Variants in MAPT observed in about 807,000 individuals in gnomAD.
MAPT encodes microtubule associated protein tau.
A neutral mutation model predicts 67.9 loss-of-function variants in MAPT; 34 were observed. The ratio of observed to expected loss-of-function variants is 0.50; its 90% confidence interval spans 0.38 to 0.67. MAPT has a LOEUF of 0.67. MAPT is among the 30% of genes least tolerant of loss of function. The pLI is 0.00. For missense variants in MAPT, 881 were observed against 1,115.2 expected (o/e 0.79, Z 2.99); for synonymous variants, 456 against 464.5 (o/e 0.98, Z 0.23).
In MAPT at chr17:45,931,405, T is replaced by G. The variant is rs370789797; in HGVS notation, c.-17-30916T>G. 1.1e-4 allele frequency among the ~76,000 whole-genome samples: 17 copies of G among 152,266 alleles called. No individual in the cohort carries two copies. In the East Asian group the frequency reaches 2.1e-3, roughly 19 times the overall value. ...ATTTTTTTCAAATAAAAAGTAAATATTATACTACAAAAAAGGGAAAAAGCA... is the reference window on the plus strand; with the variant it reads ...ATTTTTTTCAAATAAAAAGTAAATAGTATACTACAAAAAAGGGAAAAAGCA... On this transcript the variant is annotated intron_variant, in intron 1 of 12. Coordinates refer to ENST00000262410, the MANE Select transcript of MAPT (RefSeq NM_001377265.1).
chr17:45,983,510 A>G lies in MAPT; in HGVS notation c.931A>G (p.Lys311Glu), dbSNP rs764221455. ...ESSPQDSPPS[K>E]ASPAQDGRPP... ...CTCCCCCCAAGACTCCCCTCCCTCC[A>G]AGGCCTCCCCAGCCCAAGATGGGCG... The change falls in exon 5 of 13, where the codon AAG becomes GAG. Residue 311 changes from lysine (K) to glutamate (E), a missense_variant. By Grantham distance (56) the Lys-to-Glu change is moderately conservative. Transcript: ENST00000262410. 1.8e-5 allele frequency: 29 copies of G among 1,612,370 alleles called. No homozygotes were observed. The highest frequency in any genetic ancestry group is 2.4e-5 in the Non-Finnish European group (28 of 1,179,764).
At chr17:45,965,630 C>T (rs943721650) in intron 2 of MAPT, among the ~76,000 whole-genome samples, 2 of 151,702 alleles carry the variant, frequency 1.3e-5, no homozygotes, top group Admixed American at 6.6e-5. Context: ...TGGCCAGGCT[C>T]GTCTGGGACT....
At chr17:45,943,696 C>A (rs2068200011) in intron 1 of MAPT, among the ~76,000 whole-genome samples, 1 of 152,138 alleles carries the variant, frequency 6.6e-6, no homozygotes, top group African/African-American at 2.4e-5. Flanking sequence ...GGTGCATTAC[C>A]CGAAAGCTGA....
intron 9 of MAPT, among the ~76,000 whole-genome samples, chr17:45,998,478 T>A (rs1213440109): frequency 3.3e-5 from 5 of 152,136 alleles, no homozygotes; most frequent in Admixed American, 3.3e-4. Flanking sequence ...GGCTCCCCTG[T>A]GGCTGTGGGG....
rs1157856294 is a variant in MAPT at position 45,915,300 on chromosome 17, G to A, written c.-18+20614G>A. Among the ~76,000 whole-genome samples the A allele has an allele frequency of 6.6e-6, 1 of 151,176 alleles. No homozygotes were observed. Among genetic ancestry groups the A allele is most frequent in the Non-Finnish European group, 1.5e-5 (1 of 67,734 alleles). ...TGTGGTGTGGGGGTGTGTGCTGTGT[G>A]AGCGTGTGTGAGTCTGTGTGTGTAG... On this transcript the variant is annotated intron_variant, in intron 1 of 12. Coordinates refer to ENST00000262410, the MANE Select transcript of MAPT (RefSeq NM_001377265.1). The surrounding 1 kb of genome is among the most constrained non-coding windows in gnomAD (Gnocchi z 4.4).
chr17:45,946,614 A>AT lies in MAPT; in HGVS notation c.-17-15707_-17-15706insT, dbSNP rs1568215606. ...ACTCTGTCTTAAAAAAAAAAAAAAA[A>AT]AATATATATATATATATATATATAT... On this transcript the variant is annotated intron_variant, in intron 1 of 12. Coordinates refer to ENST00000262410, the MANE Select transcript of MAPT (RefSeq NM_001377265.1). Among the ~76,000 whole-genome samples, 105 of 128,258 alleles carry AT rather than the reference A, an allele frequency of 8.2e-4. 1 individual carries two copies. The highest frequency in any genetic ancestry group is 3.1e-3 in the African/African-American group (100 of 32,602). The allele number at this position is 128,258 out of a possible 152,430, so 84.1% of individuals were successfully genotyped here.
intron 9 of MAPT, among the ~76,000 whole-genome samples, chr17:46,009,583 T>C (rs954730620): frequency 1.3e-5 from 2 of 151,966 alleles, no homozygotes; most frequent in African/African-American, 4.8e-5. Flanking sequence ...GGTGGGTGGA[T>C]GGAAGGAGAA....
intron 10 of MAPT, among the ~76,000 whole-genome samples, chr17:46,012,482 T>C (rs1237053720): frequency 6.6e-6 from 1 of 152,066 alleles, no homozygotes; most frequent in Non-Finnish European, 1.5e-5. Context: ...AGGAAGCCCT[T>C]CTCCTGGTGA....
chr17:46,023,395 A>T (rs1206734659), intron 12 of MAPT, among the ~76,000 whole-genome samples: 1 of 152,200 alleles, frequency 6.6e-6, no homozygotes, highest in African/African-American at 2.4e-5. Flanking sequence ...GTATCTATAC[A>T]CTCACACGTG....
At chr17:45,942,277 G>A (rs62062769) in intron 1 of MAPT, among the ~76,000 whole-genome samples, 21,846 of 152,250 alleles carry the variant, frequency 0.14, 2,140 homozygotes, top group Non-Finnish European at 0.22. Context: ...GTTTTCACTT[G>A]ATGATGCATG....
Position 45,967,003 on chromosome 17 carries a change from G to A in MAPT, c.133+4533G>A, listed in dbSNP as rs528570155. 1.3e-4 allele frequency among the ~76,000 whole-genome samples: 20 copies of A among 152,246 alleles called. No individual in the cohort carries two copies. In the East Asian group the frequency reaches 3.3e-3, roughly 25 times the overall value. On this transcript the variant is annotated intron_variant, in intron 2 of 12. Coordinates refer to ENST00000262410, the MANE Select transcript of MAPT (RefSeq NM_001377265.1). ...GCTTACAAGGAGCTGTTTTGATGTCGGGTGTGACAGGTTTGACTTGGCAGA... is the reference window on the plus strand; with the variant it reads ...GCTTACAAGGAGCTGTTTTGATGTCAGGTGTGACAGGTTTGACTTGGCAGA...
At chr17:46,012,886 C>T (rs554027872) in intron 10 of MAPT, among the ~76,000 whole-genome samples, 1 of 152,150 alleles carries the variant, frequency 6.6e-6, no homozygotes, top group South Asian at 2.1e-4. Context: ...CAGAGCACAG[C>T]TCTCTCCAAG....
chr17:45,899,869 C>T (rs767625146), intron 1 of MAPT, among the ~76,000 whole-genome samples: 5 of 152,112 alleles, frequency 3.3e-5, no homozygotes, highest in Non-Finnish European at 7.4e-5. Context: ...ACCTCTTCCC[C>T]CAATCCAGGG....
chr17:45,975,728 T>C (rs973454119), intron 3 of MAPT: 1 of 152,132 alleles, frequency 6.6e-6, no homozygotes, highest in Non-Finnish European at 1.5e-5. Context: ...GCTAAATAAT[T>C]AGAACAGCCA....
chr17:45,964,632 C>T (rs2070845396), intron 2 of MAPT, among the ~76,000 whole-genome samples: 1 of 151,846 alleles, frequency 6.6e-6, no homozygotes, highest in African/African-American at 2.4e-5. Flanking sequence ...TGCCGTGAGC[C>T]AAGATCCCAC....
chr17:45,914,467 C>T (rs1011144344), intron 1 of MAPT, among the ~76,000 whole-genome samples: 10 of 152,196 alleles, frequency 6.6e-5, no homozygotes, highest in African/African-American at 7.2e-5. Context: ...TGCACTGCTG[C>T]GGGTGCCCCT....
chr17:45,903,959 TTATATA>T (rs2063891964), intron 1 of MAPT, among the ~76,000 whole-genome samples: 1 of 18,550 alleles, frequency 5.4e-5, no homozygotes, highest in Non-Finnish European at 9.7e-5. Flanking sequence ...ATATTATATA[TTATATA>T]TTATATATTA....
chr17:45,974,893 G>A lies in MAPT; in HGVS notation c.220+2948G>A, dbSNP rs540834675. 3.9e-4 allele frequency: 89 copies of A among 230,190 alleles called. No individual in the cohort carries two copies. In the Middle Eastern group the frequency reaches 5.2e-3, roughly 13 times the overall value. 14.3% of individuals were successfully genotyped at this position (230,190 alleles called of 1,614,324 possible). ...AAGATCACCTGAGCGCACAGAGGGT[G>A]CAGATGACTGGACCACACCTTTTGG... is the stretch of plus-strand genomic sequence containing the variant. On this transcript the variant is annotated intron_variant, in intron 3 of 12. Transcript: ENST00000262410.
chr17:45,988,600 T>C (rs1210218829), intron 6 of MAPT, among the ~76,000 whole-genome samples: 2 of 151,988 alleles, frequency 1.3e-5, no homozygotes, highest in Non-Finnish European at 2.9e-5. Flanking sequence ...CAGTGTTGTT[T>C]ACACTGACAA....
Sources: allele counts gnomAD v4.1 joint callset (sites outside exome capture counted in the v4.1 genomes callset), GRCh38; gene constraint gnomAD v4.1.1; non-coding constraint Gnocchi (gnomAD v3.1); transcripts MANE v1.5; gene names NCBI Gene and HGNC (gene_info 2026-07-23, HGNC 2026-07-21).